The following SLC4A4 variants were observed in gnomAD, a reference collection of about 807,000 sequenced individuals.
SLC4A4 encodes the protein electrogenic sodium bicarbonate cotransporter 1.
In SLC4A4, 27 loss-of-function variants were observed where a neutral mutation model predicts 111.5. The ratio of observed to expected loss-of-function variants is 0.24; its 90% CI spans 0.18 to 0.33. SLC4A4 has a LOEUF of 0.33. Ranked by LOEUF, SLC4A4 falls within the 10% of genes least tolerant of loss-of-function variation. The pLI is 1.00. For missense variants in SLC4A4, 909 were observed against 1,315.5 expected (o/e 0.69, Z 4.78); for synonymous variants, 443 against 463.4 (o/e 0.96, Z 0.57).
chr4:71,109,094 A>T (rs2148950777), intron 2 of SLC4A4, among the ~76,000 whole-genome samples: 1 of 152,158 alleles, frequency 6.6e-6, no homozygotes, highest in South Asian at 2.1e-4. Flanking sequence ...GACTCTAATA[A>T]TGTGATGTCT....
At chr4:71,288,587 C>T (rs1210148085) in intron 3 of SLC4A4, among the ~76,000 whole-genome samples, 5 of 151,852 alleles carry the variant, frequency 3.3e-5, no homozygotes, top group Non-Finnish European at 5.9e-5. Context: ...TTAGTAGAGA[C>T]GAGGTTTCAC....
At chr4:71,283,560 A>G (rs942629073) in intron 3 of SLC4A4, among the ~76,000 whole-genome samples, 6 of 152,170 alleles carry the variant, frequency 3.9e-5, no homozygotes, top group Admixed American at 3.3e-4. Flanking sequence ...CCCAGTTTCC[A>G]GAGAAGAAAA....
At chr4:71,550,095 A>T (rs1426525498) in intron 20 of SLC4A4, among the ~76,000 whole-genome samples, 1 of 151,918 alleles carries the variant, frequency 6.6e-6, no homozygotes, top group African/African-American at 2.4e-5. Flanking sequence ...CCAAGTAGTC[A>T]TTGTAAGAAT....
rs76160955 is a variant in SLC4A4, at chr4:71,443,913, A to G, written c.965+3140A>G. Among the ~76,000 whole-genome samples the G allele has an allele frequency of 2.6e-3, 402 of 152,310 alleles. 1 individual carries two copies. Among genetic ancestry groups the G allele is most frequent in the African/African-American group, 9.0e-3 (374 of 41,560 alleles). ...TCAATTTTGTCACATCCACCAGTTT[A>G]ATTGCTAGCTGCTATTAATATTTAC... is the stretch of plus-strand genomic sequence containing the variant. On this transcript the variant is annotated intron_variant, in intron 8 of 25. Transcript: ENST00000264485.
At position 71,457,486 on chromosome 4, in the gene SLC4A4, TG is replaced by T. The variant is rs536880236; in HGVS notation, c.1497+3818del. Among the ~76,000 whole-genome samples the T allele has an allele frequency of 6.8e-4, 103 of 152,288 alleles. 1 individual carries two copies. Among genetic ancestry groups the T allele is most frequent in the African/African-American group, 2.4e-3 (99 of 41,574 alleles). On this transcript the variant is annotated intron_variant, in intron 12 of 25. Coordinates refer to ENST00000264485, the MANE Select transcript of SLC4A4 (RefSeq NM_001098484.3). ...GTAACTGAACCACTCAGCCAAGAGT[TG>T]ACATTACATTCATCTGAGATGCAAC...
chr4:71,453,418 T>C, intron 11 of SLC4A4, 77 bp from the exon 12 acceptor site: 3 of 1,379,664 alleles, frequency 2.2e-6, no homozygotes, highest in East Asian at 2.3e-5. Context: ...TTGTGTTTGA[T>C]TTAATGAGTT....
intron 18 of SLC4A4, among the ~76,000 whole-genome samples, chr4:71,539,649 C>A (rs1734865532): frequency 6.6e-6 from 1 of 152,070 alleles, no homozygotes; most frequent in African/African-American, 2.4e-5. Context: ...ATTTATATTT[C>A]TCTTGTTTTT....
intron 3 of SLC4A4, among the ~76,000 whole-genome samples, chr4:71,268,137 C>G (rs1164967628): frequency 1.6e-5 from 2 of 128,414 alleles, no homozygotes; most frequent in Admixed American, 9.6e-5. Flanking sequence ...GGCATTGACA[C>G]GTGAGGTGCA....
intron 2 of SLC4A4, among the ~76,000 whole-genome samples, chr4:71,132,598 G>A (rs7658101): frequency 0.2 from 30,115 of 152,078 alleles, 3,090 homozygotes; most frequent in South Asian, 0.3. Context: ...GAGAGATCTT[G>A]TAGATTTCCT....
At chr4:71,293,409 C>T (rs2579341) in intron 3 of SLC4A4, among the ~76,000 whole-genome samples, 3 of 151,062 alleles carry the variant, frequency 2.0e-5, no homozygotes, top group African/African-American at 7.3e-5. Context: ...CTAAAAATAC[C>T]AAAATTAGCT....
At chr4:71,488,555 T>A (rs1440049515) in intron 15 of SLC4A4, among the ~76,000 whole-genome samples, 3 of 151,726 alleles carry the variant, frequency 2.0e-5, no homozygotes, top group Non-Finnish European at 4.4e-5. Context: ...ACTATAACCA[T>A]CAACATAAAC....
chr4:71,088,763 C>A lies in SLC4A4; in HGVS notation c.-64-3967C>A, dbSNP rs892926090. Among the ~76,000 whole-genome samples, 6 of 152,018 alleles carry A rather than the reference C, an allele frequency of 3.9e-5. No individual in the cohort carries two copies. In the East Asian group the frequency reaches 1.2e-3, roughly 29 times the overall value. On this transcript the variant is annotated intron_variant, in intron 1 of 26. Transcript: ENST00000649996. ...TCTCTTCTGGCTTGTGAAGTTTCTG[C>A]CGAGAGATCAGCTGTTAGTCTGATG...
chr4:71,094,551 G>T (rs540163378), intron 2 of SLC4A4, among the ~76,000 whole-genome samples: 3 of 152,290 alleles, frequency 2.0e-5, no homozygotes, highest in South Asian at 2.1e-4. Context: ...TGCTGGTGAG[G>T]TTTATTAGCT....
chr4:71,266,671 A>C (rs572011566), intron 3 of SLC4A4, among the ~76,000 whole-genome samples: 1 of 152,112 alleles, frequency 6.6e-6, no homozygotes, highest in South Asian at 2.1e-4. Context: ...TTGAGATACG[A>C]TCTATTTGTA....
At chr4:71,143,641 C>T (rs1744074973) in intron 2 of SLC4A4, among the ~76,000 whole-genome samples, 1 of 152,208 alleles carries the variant, frequency 6.6e-6, no homozygotes, top group South Asian at 2.1e-4. Flanking sequence ...GATCGCCATT[C>T]TAACTGGTGT....
intron 3 of SLC4A4, among the ~76,000 whole-genome samples, chr4:71,284,961 T>C (rs769692853): frequency 1.5e-4 from 23 of 152,154 alleles, no homozygotes; most frequent in Non-Finnish European, 2.9e-5. Context: ...CGTTATTTAG[T>C]CATGGAGTAA....
In SLC4A4 at chr4:71,568,512, T is replaced by C. The variant is rs576650368; in HGVS notation, c.*761T>C. The C allele has an allele frequency of 1.6e-4, 25 of 152,350 alleles. No individual in the cohort carries two copies. In the South Asian group the frequency reaches 2.9e-3, roughly 18 times the overall value. 9.4% of individuals were successfully genotyped at this position (152,350 alleles called of 1,614,324 possible). ...ATGTCCCTTTTTTCCTATGCAACTT[T>C]TTTTAACCCTTTAATGAACTTATCT... is the stretch of plus-strand genomic sequence containing the variant. On this transcript the variant is annotated 3_prime_UTR_variant, in exon 26 of 26. Coordinates refer to ENST00000264485, the MANE Select transcript of SLC4A4 (RefSeq NM_001098484.3).
chr4:71,118,187 A>G lies in SLC4A4; in HGVS notation c.-2+25395A>G, dbSNP rs150354240. Among the ~76,000 whole-genome samples, 487 of 152,144 alleles carry G rather than the reference A, an allele frequency of 3.2e-3. 1 individual carries two copies. Among genetic ancestry groups the G allele is most frequent in the African/African-American group, 0.011 (470 of 41,518 alleles). On this transcript the variant is annotated intron_variant, in intron 2 of 26. Coordinates refer to the SLC4A4 transcript ENST00000649996. ...CCACCATGCCTGGCCTTTTAAATAC[A>G]TTTTCTAGTTATCTTTTTCTTATTG...
chr4:71,230,071 T>C (rs891673475), intron 1 of SLC4A4, among the ~76,000 whole-genome samples: 4 of 69,788 alleles, frequency 5.7e-5, no homozygotes, highest in African/African-American at 1.2e-4. Flanking sequence ...AAGTTTAGAA[T>C]CATGAAAAAA....
Sources: gnomAD v4.1 joint callset for allele counts (sites outside exome capture counted in the v4.1 genomes callset) on GRCh38, gnomAD v4.1.1 for gene constraint, MANE v1.5 for transcripts, NCBI Gene and HGNC (gene_info 2026-07-23, HGNC 2026-07-21) for gene names.